Variants in FNDC3A observed in about 807,000 individuals in gnomAD.
The protein encoded by FNDC3A is fibronectin type-III domain-containing protein 3A.
A neutral mutation model predicts 148.9 loss-of-function variants in FNDC3A; 32 were observed. That is an observed-to-expected ratio of 0.21 (90% CI 0.16 to 0.29). The LOEUF (loss-of-function observed/expected upper bound fraction) is 0.29. Among genes scored for constraint, FNDC3A ranks in the 10% least tolerant of loss-of-function variants. The pLI is 1.00. For synonymous variants in FNDC3A, 472 were observed against 473.6 expected (o/e 1.00, Z 0.04); for missense variants, 1,191 against 1,452.8 (o/e 0.82, Z 2.93).
intron 8 of FNDC3A, among the ~76,000 whole-genome samples, chr13:49,158,506 A>G (rs1883872713): frequency 6.6e-6 from 1 of 152,222 alleles, no homozygotes; most frequent in Non-Finnish European, 1.5e-5. Context: ...TGGGAGCTGT[A>G]GACCGGAGCT....
intron 15 of FNDC3A, 141 bp downstream of exon 15, chr13:49,186,243 G>A: frequency 3.1e-6 from 2 of 651,706 alleles, no homozygotes; most frequent in Admixed American, 3.4e-5. Context: ...CATTCATTGG[G>A]TATGTTTTTT....
At chr13:49,072,495 T>C (rs908962115) in intron 2 of FNDC3A, among the ~76,000 whole-genome samples, 2 of 152,146 alleles carry the variant, frequency 1.3e-5, no homozygotes, top group African/African-American at 4.8e-5. Context: ...TGTTTTATAG[T>C]TTTATAGTTT....
At chr13:49,191,785 C>G (rs893184035) in intron 19 of FNDC3A, among the ~76,000 whole-genome samples, 1 of 152,032 alleles carries the variant, frequency 6.6e-6, no homozygotes, top group African/African-American at 2.4e-5. Context: ...CATTTACTTT[C>G]AGTTGGCAAC....
chr13:49,142,633 T>A (rs549026403), intron 7 of FNDC3A, among the ~76,000 whole-genome samples: 4 of 152,182 alleles, frequency 2.6e-5, no homozygotes, highest in African/African-American at 7.2e-5. Flanking sequence ...ACAGCATTTT[T>A]AGAAGATTTT....
intron 3 of FNDC3A, among the ~76,000 whole-genome samples, chr13:49,102,634 G>A (rs1481885909): frequency 6.6e-6 from 1 of 152,126 alleles, no homozygotes; most frequent in Non-Finnish European, 1.5e-5. Context: ...GTTATAGTGA[G>A]GACAATACAG....
At chr13:49,080,870 A>G (rs138930723) in intron 3 of FNDC3A, among the ~76,000 whole-genome samples, 20 of 152,224 alleles carry the variant, frequency 1.3e-4, no homozygotes, top group Non-Finnish European at 2.2e-4. Context: ...TCTAGATATC[A>G]TCTGTTCTGT....
chr13:49,182,415 A>G (rs766167873), intron 14 of FNDC3A, among the ~76,000 whole-genome samples: 3 of 152,206 alleles, frequency 2.0e-5, no homozygotes, highest in Non-Finnish European at 4.4e-5. Flanking sequence ...CTGGTGTCTA[A>G]ATTTTTTTTT....
intron 1 of FNDC3A, among the ~76,000 whole-genome samples, chr13:48,993,430 T>G (rs562951117): frequency 1.1e-4 from 16 of 152,336 alleles, no homozygotes; most frequent in African/African-American, 3.8e-4. Context: ...TTGAAAGCTG[T>G]GATCTTAGAG....
At chr13:49,053,745 G>A (rs1012505949) in intron 2 of FNDC3A, among the ~76,000 whole-genome samples, 2 of 152,130 alleles carry the variant, frequency 1.3e-5, no homozygotes, top group African/African-American at 2.4e-5. Context: ...CACCCCCAGA[G>A]GCAATAGATG....
At chr13:48,978,567 G>C (rs1301218341) in intron 1 of FNDC3A, among the ~76,000 whole-genome samples, 1 of 151,680 alleles carries the variant, frequency 6.6e-6, no homozygotes, top group South Asian at 2.1e-4. Context: ...AATCTAGATC[G>C]TGTCTTTGAG....
At chr13:49,006,334 T>C (rs1342587691) in intron 2 of FNDC3A, 45 bp downstream of exon 2, 2 of 1,093,098 alleles carry the variant, frequency 1.8e-6, no homozygotes, top group Admixed American at 2.0e-5. Context: ...AATACACATG[T>C]ATTTATGCAA....
intron 2 of FNDC3A, among the ~76,000 whole-genome samples, chr13:49,048,479 C>T (rs570089312): frequency 3.7e-3 from 566 of 152,170 alleles, no homozygotes; most frequent in Non-Finnish European, 6.8e-3. Flanking sequence ...CTATTTGTGT[C>T]ATCTGTGATT....
At chr13:49,135,023 T>G (rs1013957808) in intron 5 of FNDC3A, among the ~76,000 whole-genome samples, 7 of 151,356 alleles carry the variant, frequency 4.6e-5, no homozygotes, top group African/African-American at 1.7e-4. Context: ...GCCCGGCTAA[T>G]TTTTTGTATT....
intron 2 of FNDC3A, among the ~76,000 whole-genome samples, chr13:49,041,833 AAAG>A (rs1485993700): frequency 1.2e-4 from 18 of 151,750 alleles, no homozygotes; most frequent in African/African-American, 4.1e-4. Flanking sequence ...AAAAAAAAGA[AAAG>A]AAAAAGAAAA....
chr13:49,062,520 A>G (rs1478130286), intron 2 of FNDC3A, among the ~76,000 whole-genome samples: 3 of 152,040 alleles, frequency 2.0e-5, no homozygotes, highest in African/African-American at 7.2e-5. Flanking sequence ...ACTACTTCCT[A>G]TTTTTCAGAT....
At chr13:49,144,019 A>G (rs4942802) in intron 7 of FNDC3A, among the ~76,000 whole-genome samples, 8 of 102,490 alleles carry the variant, frequency 7.8e-5, no homozygotes, top group East Asian at 3.0e-4. Context: ...TACTGCTACT[A>G]CTACTACTAC....
chr13:49,115,107 A>G (rs968979609), intron 4 of FNDC3A, among the ~76,000 whole-genome samples: 2 of 151,724 alleles, frequency 1.3e-5, no homozygotes, highest in African/African-American at 2.4e-5. Context: ...TATTCATACA[A>G]TGAATCTCAG....
intron 2 of FNDC3A, among the ~76,000 whole-genome samples, chr13:49,069,387 A>G (rs58118096): frequency 0.015 from 2,352 of 152,188 alleles, 61 homozygotes; most frequent in African/African-American, 0.052. Flanking sequence ...GTTCCTATCC[A>G]CTGCTTACTA....
In FNDC3A at chr13:49,191,237, C is replaced by G. The variant is rs1436306121; in HGVS notation, c.2079C>G (p.Pro693=). The change falls in exon 19 of 26, where the codon CCC becomes CCG. Residue 693 remains proline (P), a synonymous_variant. Transcript: ENST00000492622. ...WGPPLVDGGS[P]ISCYSVEMSP... Reference sequence around the variant, plus strand: ...CCCCTCTGGTTGATGGTGGATCACCCATTTCCTGTTACAGTGTGGAAATGT... The same window carrying G: ...CCCCTCTGGTTGATGGTGGATCACCGATTTCCTGTTACAGTGTGGAAATGT... The G allele has an allele frequency of 2.5e-6, 4 of 1,609,912 alleles. No homozygotes were observed. The highest frequency in any genetic ancestry group is 3.4e-6 in the Non-Finnish European group (4 of 1,178,630).
Sources: allele counts gnomAD v4.1 joint callset (sites outside exome capture counted in the v4.1 genomes callset), GRCh38; gene constraint gnomAD v4.1.1; transcripts MANE v1.5; gene names NCBI Gene and HGNC (gene_info 2026-07-23, HGNC 2026-07-21).